Variants in ARID2 observed in about 807,000 individuals in gnomAD.
ARID2 encodes AT-rich interaction domain 2, also known as AT-rich interactive domain-containing protein 2.
A neutral mutation model predicts 184.6 loss-of-function variants in ARID2; 32 were observed. That is an observed-to-expected ratio of 0.17 (90% confidence interval 0.13 to 0.23). ARID2 has a LOEUF of 0.23. ARID2 is among the 10% of genes least tolerant of loss of function. ARID2 has a pLI of 1.00. For missense variants in ARID2, 1,696 were observed against 2,197.6 expected (o/e 0.77, Z 4.56); for synonymous variants, 836 against 772.6 (o/e 1.08, Z -1.36).
chr12:45,854,468 G>A (rs1943609040), intron 15 of ARID2, among the ~76,000 whole-genome samples: 1 of 152,056 alleles, frequency 6.6e-6, no homozygotes, highest in African/African-American at 2.4e-5. Flanking sequence ...GGAAAATACT[G>A]TATCATTTTT....
At chr12:45,749,395 T>C (rs568498190) in intron 3 of ARID2, among the ~76,000 whole-genome samples, 2 of 152,308 alleles carry the variant, frequency 1.3e-5, no homozygotes, top group Admixed American at 1.3e-4. Flanking sequence ...CCAGGCTTTG[T>C]TGTTTCATTT....
intron 3 of ARID2, among the ~76,000 whole-genome samples, chr12:45,737,705 T>C (rs1284384563): frequency 2.0e-5 from 3 of 152,126 alleles, no homozygotes; most frequent in Non-Finnish European, 4.4e-5. Flanking sequence ...TTAAGTACAC[T>C]GAAGTTTGAG....
At chr12:45,888,494 G>A (rs969940191) in intron 16 of ARID2, among the ~76,000 whole-genome samples, 1 of 152,152 alleles carries the variant, frequency 6.6e-6, no homozygotes, top group African/African-American at 2.4e-5. Flanking sequence ...GCAAAGCTTG[G>A]CAATTTTGGA....
chr12:45,793,293 T>C (rs964043572), intron 3 of ARID2, among the ~76,000 whole-genome samples: 1 of 151,674 alleles, frequency 6.6e-6, no homozygotes, highest in African/African-American at 2.4e-5. Context: ...AGAGTGAACC[T>C]CCATTAAAAA....
intron 3 of ARID2, among the ~76,000 whole-genome samples, chr12:45,807,110 G>A (rs562786025): frequency 6.6e-6 from 1 of 152,278 alleles, no homozygotes; most frequent in South Asian, 2.1e-4. Context: ...TGTTTTGTAA[G>A]TTGGCCTTGT....
chr12:45,859,550 G>A (rs1366344620), intron 15 of ARID2, among the ~76,000 whole-genome samples: 1 of 152,020 alleles, frequency 6.6e-6, no homozygotes, highest in African/African-American at 2.4e-5. Flanking sequence ...CAAAAATAAT[G>A]TACTACCATT....
chr12:45,774,272 A>C (rs1941934596), intron 3 of ARID2, among the ~76,000 whole-genome samples: 1 of 142,946 alleles, frequency 7.0e-6, no homozygotes, highest in Non-Finnish European at 1.6e-5. Context: ...GTTTTTAGTT[A>C]ACCTAATTTT....
chr12:45,733,190 CCA>C (rs918092932), intron 3 of ARID2, among the ~76,000 whole-genome samples: 10 of 152,240 alleles, frequency 6.6e-5, no homozygotes, highest in South Asian at 6.2e-4. Context: ...GAAAATAAAA[CCA>C]TGTGAAGATT....
chr12:45,889,434 C>T (rs1008659955), intron 16 of ARID2, among the ~76,000 whole-genome samples: 7 of 151,992 alleles, frequency 4.6e-5, no homozygotes, highest in Admixed American at 1.3e-4. Context: ...TTATGATTTG[C>T]GGGTTGCTGA....
chr12:45,739,284 A>G (rs1394962919), intron 3 of ARID2, among the ~76,000 whole-genome samples: 1 of 151,950 alleles, frequency 6.6e-6, no homozygotes, highest in Non-Finnish European at 1.5e-5. Flanking sequence ...CGGCCAGAGC[A>G]TTGTCTTAAT....
At chr12:45,857,227 C>A (rs1643354714) in intron 15 of ARID2, among the ~76,000 whole-genome samples, 1 of 152,080 alleles carries the variant, frequency 6.6e-6, no homozygotes, top group Non-Finnish European at 1.5e-5. Flanking sequence ...GAGTGTAAAT[C>A]ATTCCTAATA....
chr12:45,901,202 G>T (rs1453573737), intron 20 of ARID2, among the ~76,000 whole-genome samples: 3 of 99,066 alleles, frequency 3.0e-5, no homozygotes, highest in Admixed American at 1.6e-4. Context: ...ACAGAGTCTC[G>T]CTCCGTTGCC....
chr12:45,881,525 G>C (rs561944146), intron 16 of ARID2: 1 of 153,146 alleles, frequency 6.5e-6, no homozygotes, highest in African/African-American at 2.4e-5. Flanking sequence ...CGCATATTGC[G>C]ATGTATTTTG....
intron 3 of ARID2, among the ~76,000 whole-genome samples, chr12:45,761,144 A>C (rs1280498421): frequency 6.6e-6 from 1 of 152,186 alleles, no homozygotes; most frequent in African/African-American, 2.4e-5. Context: ...ATATCCCTTC[A>C]GTGTCCAAGT....
At chr12:45,776,774 A>G (rs1192287592) in intron 3 of ARID2, among the ~76,000 whole-genome samples, 2 of 139,534 alleles carry the variant, frequency 1.4e-5, no homozygotes, top group Admixed American at 1.4e-4. Context: ...ACATAGTGAG[A>G]TTCCGGCTTT....
chr12:45,784,553 T>C (rs989053954), intron 3 of ARID2, among the ~76,000 whole-genome samples: 12 of 152,034 alleles, frequency 7.9e-5, no homozygotes, highest in Non-Finnish European at 1.6e-4. Flanking sequence ...TCCCAGCTAC[T>C]TTCAGGGGGC....
Position 45,850,260 on chromosome 12 carries a change from G to A in ARID2, c.2137G>A (p.Val713Ile), listed in dbSNP as rs573747474. 10 of 1,614,124 alleles carry A rather than the reference G, an allele frequency of 6.2e-6. No homozygotes were observed. The East Asian group carries it at 2.0e-4, about 32-fold the overall frequency. Residue 713 changes from valine to isoleucine, a missense_variant, in exon 15 of 21, where the codon GTT (valine) becomes ATT (isoleucine). Coordinates refer to ENST00000334344, the MANE Select transcript of ARID2 (RefSeq NM_152641.4). The stretch of plus-strand genomic sequence containing the variant: ...AAGTAAAGCTCCAATTCCTTGTGAA[G>A]TTGTTAAGGCTACAGTTATCCAGAA... ...IQSKAPIPCE[V>I]VKATVIQNSI...
At chr12:45,759,210 T>C (rs1460245257) in intron 3 of ARID2, among the ~76,000 whole-genome samples, 2 of 152,198 alleles carry the variant, frequency 1.3e-5, no homozygotes, top group African/African-American at 2.4e-5. Flanking sequence ...GAGTAACTTA[T>C]GGGTGTAAGA....
chr12:45,778,161 G>A (rs1017186594), intron 3 of ARID2, among the ~76,000 whole-genome samples: 2 of 152,124 alleles, frequency 1.3e-5, no homozygotes, highest in African/African-American at 4.8e-5. Flanking sequence ...AGCCGAGATT[G>A]CGCCATTGCG....
Sources: gnomAD v4.1 joint callset for allele counts (sites outside exome capture counted in the v4.1 genomes callset) on GRCh38, gnomAD v4.1.1 for gene constraint, MANE v1.5 for transcripts, NCBI Gene and HGNC (gene_info 2026-07-23, HGNC 2026-07-21) for gene names.